DDHD1: variants seen among roughly 807,000 people sequenced by gnomAD.
The protein encoded by DDHD1 is phospholipase DDHD1.
A neutral mutation model predicts 96.4 loss-of-function variants in DDHD1; 49 were observed. That is an observed-to-expected ratio of 0.51 (90% confidence interval 0.40 to 0.64). DDHD1 has a LOEUF of 0.64. Ranked by LOEUF, DDHD1 falls within the 30% of genes least tolerant of loss-of-function variation. The pLI, the probability that DDHD1 is intolerant of heterozygous loss-of-function variation, is 0.00. For missense variants in DDHD1, 1,106 were observed against 1,161.2 expected (o/e 0.95, Z 0.69); for synonymous variants, 442 against 446.5 (o/e 0.99, Z 0.13).
chr14:53,104,405 A>C (rs766491253), intron 1 of DDHD1, among the ~76,000 whole-genome samples: 4 of 152,240 alleles, frequency 2.6e-5, no homozygotes, highest in Non-Finnish European at 4.4e-5. Flanking sequence ...CAAAATTAGT[A>C]GGCTAAGGGT....
intron 1 of DDHD1, among the ~76,000 whole-genome samples, chr14:53,111,399 A>G (rs1446256450): frequency 6.6e-6 from 1 of 151,646 alleles, no homozygotes; most frequent in Non-Finnish European, 1.5e-5. Context: ...TTTTTTTTTA[A>G]CAGTAGCTAG....
chr14:53,046,809 C>G lies in DDHD1; in HGVS notation c.2662G>C (p.Glu888Gln). The G allele has an allele frequency of 6.2e-7, 1 of 1,611,132 alleles. No homozygotes were observed. The highest frequency in any genetic ancestry group is 1.1e-5 in the South Asian group (1 of 90,760). ...TTGGGTTTTGCATCATCATCGTGCTCATGTTTATACATGAAGGTTAAAAGA... is the reference window on the plus strand; with the variant it reads ...TTGGGTTTTGCATCATCATCGTGCTGATGTTTATACATGAAGGTTAAAAGA... The part of the protein sequence containing the change: ...LFLLTFMYKH[E>Q]HDDDAKPNLD... The change falls in exon 13 of 13, where the codon GAG becomes CAG. Residue 888 changes from glutamate (E) to glutamine (Q), a missense_variant. Coordinates refer to ENST00000673822, the MANE Select transcript of DDHD1 (RefSeq NM_001160148.2).
At chr14:53,093,293 C>T in intron 3 of DDHD1, 23 bp downstream of exon 3, 2 of 1,595,532 alleles carry the variant, frequency 1.3e-6, no homozygotes, top group Non-Finnish European at 1.7e-6. Context: ...TTTTGATAAG[C>T]TCTAGTAATA....
intron 2 of DDHD1, among the ~76,000 whole-genome samples, chr14:53,100,878 CTT>C (rs1887245019): frequency 6.6e-6 from 1 of 152,098 alleles, no homozygotes; most frequent in African/African-American, 2.4e-5. Context: ...TTCCAAATAT[CTT>C]TTCAGAATAT....
At chr14:53,072,937 T>C (rs1012920722) in intron 5 of DDHD1, among the ~76,000 whole-genome samples, 4 of 151,848 alleles carry the variant, frequency 2.6e-5, no homozygotes, top group Non-Finnish European at 5.9e-5. Context: ...TGAAAGCCAT[T>C]ATCAAATCTA....
chr14:53,096,691 T>C (rs1338405430), intron 2 of DDHD1, among the ~76,000 whole-genome samples: 2 of 152,014 alleles, frequency 1.3e-5, no homozygotes, highest in East Asian at 3.9e-4. Flanking sequence ...TTCTACTAGA[T>C]GCTTTCCACT....
intron 1 of DDHD1, among the ~76,000 whole-genome samples, chr14:53,124,820 G>A (rs547655277): frequency 5.3e-5 from 8 of 152,226 alleles, no homozygotes; most frequent in African/African-American, 1.2e-4. Context: ...AAGATTGAGC[G>A]GCTTAAACAA....
intron 1 of DDHD1, among the ~76,000 whole-genome samples, chr14:53,143,325 C>G (rs979757342): frequency 6.6e-6 from 1 of 152,214 alleles, no homozygotes; most frequent in African/African-American, 2.4e-5. Flanking sequence ...GATTTGAAAA[C>G]AAATGCTGTA....
In DDHD1 at chr14:53,041,858, C is replaced by T. The variant is rs1881679068; in HGVS notation, c.*4910G>A. The stretch of plus-strand genomic sequence containing the variant: ...AAGCTTGCTGATGCTTTAATCTGAG[C>T]TTAAAGCATCAGATTACAGAGGTGT... On this transcript the variant is annotated 3_prime_UTR_variant, in exon 13 of 13. Coordinates refer to ENST00000673822, the MANE Select transcript of DDHD1 (RefSeq NM_001160148.2). 2 of 151,534 alleles carry T rather than the reference C, an allele frequency of 1.3e-5. No individual in the cohort carries two copies. The highest frequency in any genetic ancestry group is 1.3e-4 in the Admixed American group (2 of 15,196). 9.4% of individuals were successfully genotyped at this position (151,534 alleles called of 1,614,324 possible).
intron 4 of DDHD1, among the ~76,000 whole-genome samples, chr14:53,076,518 C>G (rs1566542250): frequency 6.6e-6 from 1 of 152,082 alleles, no homozygotes; most frequent in Non-Finnish European, 1.5e-5. Flanking sequence ...GAAATGGCAA[C>G]AAAGAATTCA....
intron 6 of DDHD1, among the ~76,000 whole-genome samples, chr14:53,071,597 G>A (rs1884513848): frequency 1.3e-5 from 2 of 152,048 alleles, no homozygotes; most frequent in Non-Finnish European, 2.9e-5. Flanking sequence ...TTCAGTATAT[G>A]TATATATTAT....
At chr14:53,093,735 G>A in intron 2 of DDHD1, 1 of 303,156 alleles carries the variant, frequency 3.3e-6, no homozygotes, top group Non-Finnish European at 6.1e-6. Context: ...TATGTGTTTT[G>A]ATAATTAACT....
chr14:53,095,894 A>G (rs768848028), intron 2 of DDHD1, among the ~76,000 whole-genome samples: 42 of 152,150 alleles, frequency 2.8e-4, no homozygotes, highest in Non-Finnish European at 6.0e-4. Flanking sequence ...AATCATCCAT[A>G]TATCATCTTA....
intron 6 of DDHD1, among the ~76,000 whole-genome samples, chr14:53,070,240 C>A (rs1228804855): frequency 6.6e-6 from 1 of 152,056 alleles, no homozygotes; most frequent in Non-Finnish European, 1.5e-5. Flanking sequence ...GTAAACATAC[C>A]AAAAATTTGC....
Position 53,073,749 on chromosome 14 carries a change from A to G in DDHD1, c.1388T>C (p.Leu463Pro). The change falls in exon 5 of 13, where the codon CTT becomes CCT. Residue 463 changes from leucine (L) to proline (P), a missense_variant. Coordinates refer to ENST00000673822, the MANE Select transcript of DDHD1 (RefSeq NM_001160148.2). ...LPVEWRSKLTLDGDTVDSITP... is the reference protein window; with the variant it reads ...LPVEWRSKLTPDGDTVDSITP... ...TTTTTAAATAAATATACCTCCATCA[A>G]GAGTAAGTTTTGACCGCCACTCAAC... The G allele has an allele frequency of 6.2e-7, 1 of 1,607,484 alleles. No homozygotes were observed. Among genetic ancestry groups the G allele is most frequent in the Non-Finnish European group, 8.5e-7 (1 of 1,176,518 alleles).
chr14:53,054,671 C>A (rs781706831), intron 10 of DDHD1, 42 bp from the exon 11 acceptor site: 1 of 1,589,942 alleles, frequency 6.3e-7, no homozygotes, highest in South Asian at 1.1e-5. Context: ...TTGAATCACA[C>A]CACACTCTAA....
chr14:53,048,386 G>A (rs1041617047), intron 12 of DDHD1, among the ~76,000 whole-genome samples: 3 of 144,748 alleles, frequency 2.1e-5, no homozygotes, highest in African/African-American at 7.7e-5. Flanking sequence ...CACCCAGGCT[G>A]GAGTGCAGTG....
intron 4 of DDHD1, among the ~76,000 whole-genome samples, chr14:53,089,219 C>A (rs568555556): frequency 1.3e-5 from 2 of 152,210 alleles, no homozygotes; most frequent in South Asian, 4.2e-4. Flanking sequence ...GAATCAATAT[C>A]ATGAAAATGG....
chr14:53,141,451 A>C (rs1417193800), intron 1 of DDHD1, among the ~76,000 whole-genome samples: 2 of 152,212 alleles, frequency 1.3e-5, no homozygotes, highest in Non-Finnish European at 2.9e-5. Context: ...TTAAAGAGGA[A>C]GATTGTCTGG....
Sources: gnomAD v4.1 joint callset for allele counts (sites outside exome capture counted in the v4.1 genomes callset) on GRCh38, gnomAD v4.1.1 for gene constraint, MANE v1.5 for transcripts, NCBI Gene and HGNC (gene_info 2026-07-23, HGNC 2026-07-21) for gene names.